BTBD9: variants seen among roughly 807,000 people sequenced by gnomAD.
BTBD9 encodes BTB domain containing 9.
Under a neutral mutation model 64.3 loss-of-function variants are expected in BTBD9, and 49 were observed. That is an observed-to-expected ratio of 0.76 (90% CI 0.61 to 0.97). The LOEUF is 0.97. BTBD9 is among the 50% of genes least tolerant of loss of function. The pLI, the probability that BTBD9 is intolerant of heterozygous loss-of-function variation, is 0.00. For synonymous variants in BTBD9, 260 were observed against 274.7 expected, an observed-to-expected ratio of 0.95 and a Z score of 0.53; for missense variants, 598 against 762.1, an observed-to-expected ratio of 0.78 and a Z score of 2.53.
At chr6:38,334,190 T>C (rs953710812) in intron 7 of BTBD9, among the ~76,000 whole-genome samples, 10 of 152,178 alleles carry the variant, frequency 6.6e-5, no homozygotes, top group African/African-American at 2.4e-4. Flanking sequence ...TAAACAACAA[T>C]GCATTCAAGA....
intron 7 of BTBD9, among the ~76,000 whole-genome samples, chr6:38,300,358 T>C (rs1379640629): frequency 6.6e-6 from 1 of 152,188 alleles, no homozygotes; most frequent in Non-Finnish European, 1.5e-5. Context: ...TTTGGTTCCA[T>C]ATGAACTTTA....
intron 6 of BTBD9, among the ~76,000 whole-genome samples, chr6:38,361,797 G>T (rs1764973050): frequency 6.6e-6 from 1 of 151,278 alleles, no homozygotes; most frequent in African/African-American, 2.4e-5. Flanking sequence ...CCAAGATTGT[G>T]CCATTGCACT....
Position 38,463,932 on chromosome 6 carries a change from T to C in BTBD9, c.1154+113668A>G, listed in dbSNP as rs200667821. On this transcript the variant is annotated intron_variant, in intron 6 of 10. Transcript: ENST00000481247. ...CTGTGGTCCCAACTACTTGGGAGGC[T>C]GAGGCAGAAGGATCATCTGAGCCGG... Among the ~76,000 whole-genome samples the C allele has an allele frequency of 3.3e-5, 5 of 152,150 alleles. No homozygotes were observed. In the East Asian group the frequency reaches 9.6e-4, roughly 29 times the overall value.
intron 7 of BTBD9, among the ~76,000 whole-genome samples, chr6:38,315,806 T>C (rs1763008206): frequency 6.6e-6 from 1 of 152,250 alleles, no homozygotes; most frequent in Non-Finnish European, 1.5e-5. Flanking sequence ...TGAAATGTTC[T>C]GTAAATATCT....
chr6:38,234,744 G>A (rs1244248795), intron 9 of BTBD9, among the ~76,000 whole-genome samples: 1 of 152,212 alleles, frequency 6.6e-6, no homozygotes, highest in Non-Finnish European at 1.5e-5. Context: ...TCGGCTAATC[G>A]GCGGCAGAAC....
Position 38,227,822 on chromosome 6 carries a change from G to A in BTBD9, c.1562+28587C>T, listed in dbSNP as rs568384273. ...CAGACTGGAGAACAGTGAGTTCTGC[G>A]GCAATGGGCACTTCTGGAATGCTGT... On this transcript the variant is annotated intron_variant, in intron 9 of 10. Transcript: ENST00000481247. Among the ~76,000 whole-genome samples the A allele has an allele frequency of 2.2e-3, 341 of 152,290 alleles. 1 individual carries two copies. The highest frequency in any genetic ancestry group is 4.3e-3 in the Non-Finnish European group (294 of 68,020).
At chr6:38,321,594 G>A (rs1763234920) in intron 7 of BTBD9, among the ~76,000 whole-genome samples, 2 of 152,080 alleles carry the variant, frequency 1.3e-5, no homozygotes, top group Admixed American at 1.3e-4. Context: ...AAACTGTTCT[G>A]GAAGAAATCT....
intron 9 of BTBD9, among the ~76,000 whole-genome samples, chr6:38,212,702 AAC>A (rs1320584057): frequency 6.6e-6 from 1 of 152,128 alleles, no homozygotes; most frequent in Non-Finnish European, 1.5e-5. Context: ...GCCCCCAGAA[AAC>A]ACAATGCTAA....
chr6:38,304,465 G>C (rs1762546362), intron 7 of BTBD9, among the ~76,000 whole-genome samples: 1 of 151,690 alleles, frequency 6.6e-6, no homozygotes, highest in Admixed American at 6.6e-5. Context: ...AGACTCGCTT[G>C]AATCCGGGAG....
chr6:38,550,560 C>T (rs1774752641), intron 6 of BTBD9, among the ~76,000 whole-genome samples: 2 of 152,114 alleles, frequency 1.3e-5, no homozygotes, highest in South Asian at 4.1e-4. Context: ...TCATGATCTG[C>T]CCACCTCAGC....
At chr6:38,336,798 A>G (rs559920510) in intron 7 of BTBD9, among the ~76,000 whole-genome samples, 90 of 152,176 alleles carry the variant, frequency 5.9e-4, no homozygotes, top group Admixed American at 2.8e-3. Flanking sequence ...TACATGACTT[A>G]TTTTACTGAG....
chr6:38,536,595 G>C (rs766215245), intron 6 of BTBD9, among the ~76,000 whole-genome samples: 5 of 152,098 alleles, frequency 3.3e-5, no homozygotes, highest in Non-Finnish European at 5.9e-5. Context: ...ATCAACTGAC[G>C]AATGGATAAA....
At chr6:38,417,926 T>A (rs1209984688) in intron 6 of BTBD9, among the ~76,000 whole-genome samples, 1 of 152,208 alleles carries the variant, frequency 6.6e-6, no homozygotes, top group African/African-American at 2.4e-5. Flanking sequence ...TCATCACAGC[T>A]AACTTTTTCC....
chr6:38,622,100 G>C (rs1193542571), intron 1 of BTBD9, among the ~76,000 whole-genome samples: 2 of 152,188 alleles, frequency 1.3e-5, no homozygotes, highest in Non-Finnish European at 2.9e-5. Flanking sequence ...CTCATCAAAT[G>C]GCCAAATCCC....
chr6:38,243,538 C>T (rs532052232), intron 9 of BTBD9, among the ~76,000 whole-genome samples: 16 of 151,804 alleles, frequency 1.1e-4, no homozygotes, highest in Admixed American at 2.6e-4. Context: ...GGTCTGAATA[C>T]GAATGGAGGC....
intron 1 of BTBD9, among the ~76,000 whole-genome samples, chr6:38,619,290 A>G (rs1777905032): frequency 2.0e-5 from 3 of 152,186 alleles, no homozygotes; most frequent in African/African-American, 4.8e-5. Flanking sequence ...TTGGTATTCT[A>G]TAATAGGGAC....
intron 6 of BTBD9, among the ~76,000 whole-genome samples, chr6:38,575,820 C>A (rs1775998412): frequency 6.6e-6 from 1 of 151,918 alleles, no homozygotes; most frequent in African/African-American, 2.4e-5. Context: ...GCTGGCTATA[C>A]CAAGACAAAA....
chr6:38,389,237 AC>A (rs1208366593), intron 6 of BTBD9, among the ~76,000 whole-genome samples: 1 of 152,190 alleles, frequency 6.6e-6, no homozygotes, highest in Non-Finnish European at 1.5e-5. Flanking sequence ...TTAACTCAAT[AC>A]ATAAAATCTG....
intron 6 of BTBD9, among the ~76,000 whole-genome samples, chr6:38,410,797 G>A (rs1287568375): frequency 6.6e-6 from 1 of 151,722 alleles, no homozygotes; most frequent in Admixed American, 6.6e-5. Context: ...GGAGGCTGAG[G>A]TGGGAGGATC....
Sources: gnomAD v4.1 joint callset for allele counts (sites outside exome capture counted in the v4.1 genomes callset) on GRCh38, gnomAD v4.1.1 for gene constraint, MANE v1.5 for transcripts, NCBI Gene and HGNC (gene_info 2026-07-23, HGNC 2026-07-21) for gene names.